DOK6: variants seen among roughly 807,000 people sequenced by gnomAD.
The protein encoded by DOK6 is docking protein 6, also known as downstream of tyrosine kinase 6.
Under a neutral mutation model 44.0 loss-of-function variants are expected in DOK6, and 22 were observed. The ratio of observed to expected loss-of-function variants is 0.50; its 90% CI spans 0.36 to 0.71. DOK6 has a LOEUF of 0.71. Among genes scored for constraint, DOK6 ranks in the 30% least tolerant of loss-of-function variants. The pLI is 0.00. For synonymous variants in DOK6, 166 were observed against 145.5 expected, an observed-to-expected ratio of 1.14 and a Z score of -1.01; for missense variants, 340 against 416.4, an observed-to-expected ratio of 0.82 and a Z score of 1.60.
At chr18:69,497,358 A>G (rs954202350) in intron 1 of DOK6, among the ~76,000 whole-genome samples, 2 of 152,152 alleles carry the variant, frequency 1.3e-5, no homozygotes, top group African/African-American at 4.8e-5. Context: ...GATGACACAC[A>G]TGCTGTGTCC....
intron 1 of DOK6, among the ~76,000 whole-genome samples, chr18:69,495,441 A>T (rs1005090729): frequency 6.6e-6 from 1 of 152,242 alleles, no homozygotes; most frequent in Non-Finnish European, 1.5e-5. Flanking sequence ...ACTGAGTGAC[A>T]GAATACCTCA....
chr18:69,519,475 A>G (rs1981628272), intron 1 of DOK6, among the ~76,000 whole-genome samples: 1 of 152,052 alleles, frequency 6.6e-6, no homozygotes, highest in Non-Finnish European at 1.5e-5. Context: ...TGCCACAAAT[A>G]TGAAAATATC....
chr18:69,564,681 T>G, intron 2 of DOK6, 87 bp downstream of exon 2: 1 of 1,041,976 alleles, frequency 9.6e-7, no homozygotes, highest in South Asian at 1.6e-5. Context: ...AAATCTTCAG[T>G]GGCAAAAATT....
intron 1 of DOK6, among the ~76,000 whole-genome samples, chr18:69,527,714 G>A (rs951075514): frequency 1.1e-4 from 17 of 152,102 alleles, no homozygotes; most frequent in African/African-American, 3.1e-4. Context: ...GTACAAAAAG[G>A]AAGCCTACTT....
intron 3 of DOK6, among the ~76,000 whole-genome samples, chr18:69,623,115 G>A (rs1013264367): frequency 2.6e-5 from 4 of 152,142 alleles, no homozygotes; most frequent in African/African-American, 7.2e-5. Flanking sequence ...TGGTTTGAAA[G>A]TGTGTAGGCC....
At chr18:69,472,290 G>T (rs554818796) in intron 1 of DOK6, among the ~76,000 whole-genome samples, 1 of 152,300 alleles carries the variant, frequency 6.6e-6, no homozygotes, top group African/African-American at 2.4e-5. Flanking sequence ...GCAAGGTAAG[G>T]TGACTGCGCA....
intron 1 of DOK6, among the ~76,000 whole-genome samples, chr18:69,563,115 C>A (rs1038886564): frequency 5.9e-5 from 9 of 152,178 alleles, no homozygotes; most frequent in Admixed American, 2.0e-4. Context: ...CATCTCACAC[C>A]ACTTAGAATG....
chr18:69,747,450 C>T (rs893243719), intron 6 of DOK6, among the ~76,000 whole-genome samples: 1 of 152,122 alleles, frequency 6.6e-6, no homozygotes, highest in Non-Finnish European at 1.5e-5. Flanking sequence ...TTGGCAAAAG[C>T]ATGAAGAGGT....
intron 4 of DOK6, among the ~76,000 whole-genome samples, chr18:69,678,441 C>T (rs1481251860): frequency 6.6e-6 from 1 of 152,146 alleles, no homozygotes; most frequent in Non-Finnish European, 1.5e-5. Flanking sequence ...AGCATCCCTC[C>T]AGTTTCTTCT....
At chr18:69,521,899 A>G (rs1162811196) in intron 1 of DOK6, among the ~76,000 whole-genome samples, 1 of 152,018 alleles carries the variant, frequency 6.6e-6, no homozygotes, top group Non-Finnish European at 1.5e-5. Context: ...CCCCATAAAT[A>G]TATACAATTA....
At chr18:69,531,269 T>C (rs928738329) in intron 1 of DOK6, among the ~76,000 whole-genome samples, 2 of 147,180 alleles carry the variant, frequency 1.4e-5, no homozygotes, top group Non-Finnish European at 3.0e-5. Flanking sequence ...CATATATATA[T>C]ATAATATATT....
At chr18:69,675,467 G>T (rs1332992217) in intron 3 of DOK6, among the ~76,000 whole-genome samples, 3 of 152,122 alleles carry the variant, frequency 2.0e-5, no homozygotes, top group Admixed American at 6.6e-5. Flanking sequence ...ATGCAAAAAA[G>T]ATTTTAATTG....
intron 2 of DOK6, among the ~76,000 whole-genome samples, chr18:69,585,942 A>G (rs1271244257): frequency 6.6e-6 from 1 of 152,184 alleles, no homozygotes; most frequent in African/African-American, 2.4e-5. Context: ...CAGCTGCAAC[A>G]ACATTTTTAA....
intron 1 of DOK6, among the ~76,000 whole-genome samples, chr18:69,471,300 G>C (rs938991156): frequency 1.4e-4 from 20 of 145,534 alleles, no homozygotes; most frequent in Non-Finnish European, 2.7e-4. Flanking sequence ...CAGAGATGAA[G>C]GGCAGCGAGG....
rs1273763371 is a variant in DOK6, at chr18:69,848,860, T to C, written c.*7477T>C. 1.3e-5 allele frequency: 2 copies of C among 152,210 alleles called. No individual in the cohort carries two copies. The highest frequency in any genetic ancestry group is 1.5e-5 in the Non-Finnish European group (1 of 68,034). The allele number at this position is 152,210 out of a possible 1,614,324, so 9.4% of individuals were successfully genotyped here. A position where few individuals can be genotyped will look rare whatever the true frequency, so the allele number is the denominator to read the frequency against. On this transcript the variant is annotated 3_prime_UTR_variant, in exon 8 of 8. Transcript: ENST00000382713. ...ATCACAACTTTGCATGGCTGAGATT[T>C]TGAACAACTAAATTGATGGTTTTAC...
At chr18:69,491,900 A>T (rs928074969) in intron 1 of DOK6, among the ~76,000 whole-genome samples, 35 of 152,362 alleles carry the variant, frequency 2.3e-4, no homozygotes, top group Non-Finnish European at 4.3e-4. Flanking sequence ...CCAACTGGCT[A>T]GACATTACCG....
chr18:69,542,211 A>G lies in DOK6; in HGVS notation c.67-22276A>G, dbSNP rs140085062. On this transcript the variant is annotated intron_variant, in intron 1 of 7. Coordinates refer to ENST00000382713, the MANE Select transcript of DOK6 (RefSeq NM_152721.6). ...GAAGAAGAGAAGGATTAAATAGGAA[A>G]CCAACTTAGCAAACTTAACAATAAT... 5.5e-3 allele frequency among the ~76,000 whole-genome samples: 835 copies of G among 151,582 alleles called. 13 individuals are homozygous for G. Among genetic ancestry groups the G allele is most frequent in the African/African-American group, 0.018 (763 of 41,428 alleles).
chr18:69,623,326 A>T (rs1413437643), intron 3 of DOK6, among the ~76,000 whole-genome samples: 1 of 152,180 alleles, frequency 6.6e-6, no homozygotes, highest in Non-Finnish European at 1.5e-5. Context: ...CATTGCAAGA[A>T]CAGACTAATA....
At chr18:69,498,059 TACACACAC>T (rs959202283) in intron 1 of DOK6, among the ~76,000 whole-genome samples, 1 of 151,034 alleles carries the variant, frequency 6.6e-6, no homozygotes, top group Non-Finnish European at 1.5e-5. Flanking sequence ...CACACACAAA[TACACACAC>T]ACACAGACAC....
Sources: gnomAD v4.1 joint callset for allele counts (sites outside exome capture counted in the v4.1 genomes callset) on GRCh38, gnomAD v4.1.1 for gene constraint, MANE v1.5 for transcripts, NCBI Gene and HGNC (gene_info 2026-07-23, HGNC 2026-07-21) for gene names.